EBF1: variants seen among roughly 807,000 people sequenced by gnomAD.
EBF1 encodes EBF transcription factor 1, also known as transcription factor COE1.
A neutral mutation model predicts 68.4 loss-of-function variants in EBF1; 10 were observed. The observed-to-expected ratio is 0.15, with a 90% CI of 0.09 to 0.25. The LOEUF is 0.25. EBF1 is among the 10% of genes least tolerant of loss of function. The pLI, the probability that EBF1 is intolerant of heterozygous loss-of-function variation, is 1.00. For missense variants in EBF1, 509 were observed against 794.4 expected (o/e 0.64, Z 4.32); for synonymous variants, 298 against 299.8 (o/e 0.99, Z 0.06).
At chr5:158,970,665 C>T (rs1040444117) in intron 6 of EBF1, among the ~76,000 whole-genome samples, 9 of 152,130 alleles carry the variant, frequency 5.9e-5, no homozygotes, top group Admixed American at 2.0e-4. Context: ...CAAGCACCTA[C>T]GGGTTAAAGC....
intron 6 of EBF1, among the ~76,000 whole-genome samples, chr5:158,881,464 G>T (rs1170247464): frequency 6.6e-6 from 1 of 152,144 alleles, no homozygotes; most frequent in East Asian, 1.9e-4. Flanking sequence ...GGGCAAGAGG[G>T]GGCCATACCT....
chr5:159,035,390 C>G (rs1456079144), intron 6 of EBF1, among the ~76,000 whole-genome samples: 1 of 152,042 alleles, frequency 6.6e-6, no homozygotes, highest in Non-Finnish European at 1.5e-5. Context: ...GTTTTAAAGT[C>G]AGAAAATCTA....
At chr5:158,742,031 G>T (rs1298001307) in intron 10 of EBF1, among the ~76,000 whole-genome samples, 1 of 152,194 alleles carries the variant, frequency 6.6e-6, no homozygotes, top group African/African-American at 2.4e-5. Context: ...GAAAGTAGGG[G>T]CTGGGATTCA....
intron 7 of EBF1, among the ~76,000 whole-genome samples, chr5:158,830,504 C>T (rs991924348): frequency 6.6e-5 from 10 of 152,136 alleles, no homozygotes; most frequent in Admixed American, 2.6e-4. Flanking sequence ...CTCTTGAGCT[C>T]GTGATCCGTC....
At chr5:158,774,055 C>T (rs1774494709) in intron 10 of EBF1, among the ~76,000 whole-genome samples, 1 of 152,148 alleles carries the variant, frequency 6.6e-6, no homozygotes, top group Admixed American at 6.5e-5. Context: ...AATAACTGGA[C>T]ACAATAAAGT....
intron 6 of EBF1, among the ~76,000 whole-genome samples, chr5:158,911,148 C>T (rs780265543): frequency 4.6e-5 from 7 of 152,170 alleles, no homozygotes; most frequent in African/African-American, 7.2e-5. Context: ...CTCAACGAGT[C>T]GCCTATCTGA....
chr5:158,745,217 C>A (rs4704954), intron 10 of EBF1, among the ~76,000 whole-genome samples: 12,679 of 152,152 alleles, frequency 0.083, 590 homozygotes, highest in Non-Finnish European at 0.089. Context: ...TCCGCAATAA[C>A]CCCGGGTCTC....
chr5:158,905,702 C>T (rs181570933), intron 6 of EBF1, among the ~76,000 whole-genome samples: 61 of 152,262 alleles, frequency 4.0e-4, no homozygotes, highest in African/African-American at 1.4e-3. Flanking sequence ...CTACCATAAA[C>T]CATTTTTTCT....
chr5:158,878,290 G>A (rs1015387649), intron 6 of EBF1, among the ~76,000 whole-genome samples: 10 of 152,046 alleles, frequency 6.6e-5, no homozygotes, highest in African/African-American at 2.4e-4. Context: ...AGAGAGAGAG[G>A]AAAGAGAAAG....
chr5:158,915,442 T>C (rs550498247), intron 6 of EBF1, among the ~76,000 whole-genome samples: 13 of 152,234 alleles, frequency 8.5e-5, no homozygotes, highest in Non-Finnish European at 1.9e-4. Context: ...TTGCTGGTAA[T>C]GCATCACAGA....
At chr5:158,817,879 G>A (rs945487359) in intron 8 of EBF1, among the ~76,000 whole-genome samples, 8 of 152,188 alleles carry the variant, frequency 5.3e-5, no homozygotes, top group African/African-American at 7.2e-5. Flanking sequence ...ATGAATGAGC[G>A]ATTTCAAGTC....
chr5:158,834,563 A>G (rs1471534762), intron 7 of EBF1, among the ~76,000 whole-genome samples: 2 of 152,302 alleles, frequency 1.3e-5, no homozygotes, highest in African/African-American at 4.8e-5. Flanking sequence ...ATACTGCCTT[A>G]AAGTATGAAC....
intron 6 of EBF1, among the ~76,000 whole-genome samples, chr5:158,973,870 CT>C (rs1415624808): frequency 6.6e-6 from 1 of 152,200 alleles, no homozygotes; most frequent in Non-Finnish European, 1.5e-5. Flanking sequence ...TGCATGCCAT[CT>C]TCTGGTTCTC....
intron 6 of EBF1, among the ~76,000 whole-genome samples, chr5:159,069,500 A>T (rs1777445421): frequency 6.6e-6 from 1 of 152,152 alleles, no homozygotes; most frequent in Non-Finnish European, 1.5e-5. Context: ...GTCATTGCTC[A>T]AAGATAGTTT....
chr5:158,924,091 A>G (rs1031279330), intron 6 of EBF1, among the ~76,000 whole-genome samples: 2 of 152,210 alleles, frequency 1.3e-5, no homozygotes, highest in Admixed American at 6.5e-5. Context: ...TAGTCATCTA[A>G]CTTTTTATCC....
intron 11 of EBF1, among the ~76,000 whole-genome samples, chr5:158,716,590 T>C (rs1474062355): frequency 1.3e-5 from 2 of 152,224 alleles, no homozygotes; most frequent in African/African-American, 2.4e-5. Context: ...AAGACTTGGT[T>C]GAGCTTTGCC....
chr5:158,996,352 CT>C (rs1561743994), intron 6 of EBF1, among the ~76,000 whole-genome samples: 1 of 152,162 alleles, frequency 6.6e-6, no homozygotes, highest in African/African-American at 2.4e-5. Context: ...CTACAATTTT[CT>C]CTAATTTTTA....
intron 6 of EBF1, among the ~76,000 whole-genome samples, chr5:158,909,859 C>G (rs1805513007): frequency 6.8e-6 from 1 of 147,864 alleles, no homozygotes; most frequent in Admixed American, 6.9e-5. Context: ...ATCACTCGAA[C>G]CAGGGAGGCA....
At chr5:158,867,542 C>T (rs1255313439) in intron 6 of EBF1, among the ~76,000 whole-genome samples, 4 of 151,846 alleles carry the variant, frequency 2.6e-5, no homozygotes, top group Non-Finnish European at 5.9e-5. Context: ...GATTGAACAC[C>T]ATACACAGCG....
Sources: allele counts gnomAD v4.1 joint callset (sites outside exome capture counted in the v4.1 genomes callset), GRCh38; gene constraint gnomAD v4.1.1; transcripts MANE v1.5; gene names NCBI Gene and HGNC (gene_info 2026-07-23, HGNC 2026-07-21).